Variants in PEX13 observed in about 807,000 individuals in gnomAD.
PEX13 encodes peroxisome biogenesis factor 13.
PEX13 carries 28 observed loss-of-function variants against 34.5 expected under a neutral mutation model. The ratio of observed to expected loss-of-function variants is 0.81; its 90% CI spans 0.60 to 1.11. The LOEUF is 1.11. Ranked by LOEUF, PEX13 falls within the 50% of genes most tolerant of loss-of-function variation. PEX13 has a pLI of 0.00. For synonymous variants in PEX13, 177 were observed against 175.1 expected, an observed-to-expected ratio of 1.01 and a Z score of -0.09; for missense variants, 550 against 491.0, an observed-to-expected ratio of 1.12 and a Z score of -1.13.
chr2:61,044,510 T>C (rs755096829), intron 2 of PEX13, among the ~76,000 whole-genome samples: 2 of 152,178 alleles, frequency 1.3e-5, no homozygotes, highest in Non-Finnish European at 2.9e-5. Context: ...TCTCAGCCTC[T>C]CAAAGTACTG....
At position 61,031,489 on chromosome 2, in the gene PEX13, A is replaced by G. The variant is rs149157399; in HGVS notation, c.163A>G (p.Ile55Val). The change falls in exon 2 of 4, where the codon ATT becomes GTT. Residue 55 changes from isoleucine to valine, a missense_variant. Transcript: ENST00000295030. ...QPALTRVPPP[I>V]LPRPSQQTGS... ...AGCACTTACCAGAGTGCCCCCACCTATTCTTCCAAGGCCATCACAGCAGAC... is the reference window on the plus strand; with the variant it reads ...AGCACTTACCAGAGTGCCCCCACCTGTTCTTCCAAGGCCATCACAGCAGAC... 9 of 1,614,062 alleles carry G rather than the reference A, an allele frequency of 5.6e-6. No homozygotes were observed. Among genetic ancestry groups the G allele is most frequent in the East Asian group, 2.2e-5 (1 of 44,906 alleles).
intron 2 of PEX13, among the ~76,000 whole-genome samples, chr2:61,042,185 G>C (rs978928334): frequency 2.6e-5 from 4 of 152,204 alleles, no homozygotes; most frequent in Non-Finnish European, 5.9e-5. Context: ...CATTAATAAA[G>C]TTGTATTGGA....
intron 2 of PEX13, among the ~76,000 whole-genome samples, chr2:61,034,155 C>A (rs1214829112): frequency 2.6e-5 from 4 of 152,016 alleles, no homozygotes; most frequent in Non-Finnish European, 4.4e-5. Context: ...GGCCACCACA[C>A]CCGGTTAATT....
chr2:61,046,945 C>T (rs1040995111), intron 3 of PEX13, among the ~76,000 whole-genome samples: 2 of 152,046 alleles, frequency 1.3e-5, no homozygotes, highest in South Asian at 2.1e-4. Flanking sequence ...TAGACTTAAG[C>T]GAGGTGCAGT....
Position 61,045,729 on chromosome 2 carries a change from G to C in PEX13, c.791G>C (p.Ser264Thr), listed in dbSNP as rs145568490. Residue 264 changes from serine (S) to threonine (T), a missense_variant, in exon 3 of 4, where the codon AGC (serine) becomes ACC (threonine). Coordinates refer to ENST00000295030, the MANE Select transcript of PEX13 (RefSeq NM_002618.4). Reference protein sequence around the residue: ...LSTHSDEVTDSINWASGEDDH... With the variant: ...LSTHSDEVTDTINWASGEDDH... ...CTAATTTTAATTTGGCTTATAGACA[G>C]CATCAACTGGGCAAGTGGTGAGGAT... The C allele has an allele frequency of 9.4e-5, 152 of 1,612,844 alleles. No homozygotes were observed. In the Middle Eastern group the frequency reaches 1.3e-3, roughly 14 times the overall value.
intron 2 of PEX13, among the ~76,000 whole-genome samples, chr2:61,042,228 A>G (rs1029497077): frequency 5.9e-5 from 9 of 152,334 alleles, no homozygotes; most frequent in Admixed American, 1.3e-4. Flanking sequence ...ACATATTGTT[A>G]TGGCTGCTTT....
At chr2:61,029,659 A>G (rs1680417767) in intron 1 of PEX13, among the ~76,000 whole-genome samples, 1 of 152,132 alleles carries the variant, frequency 6.6e-6, no homozygotes, top group Non-Finnish European at 1.5e-5. Context: ...AAATATTCGG[A>G]AAATAGGCCA....
rs150190726 is a variant in PEX13 at position 61,040,758 on chromosome 2, T to C, written c.788-4968T>C. ...TTAAATGTAAATATATATATAGGTA[T>C]ATACATATATATATATACCTATATA... On this transcript the variant is annotated intron_variant, in intron 2 of 3. Coordinates refer to ENST00000295030, the MANE Select transcript of PEX13 (RefSeq NM_002618.4). 6.1e-3 allele frequency among the ~76,000 whole-genome samples: 897 copies of C among 147,950 alleles called. 9 individuals are homozygous for C. The highest frequency in any genetic ancestry group is 0.021 in the African/African-American group (860 of 40,706).
intron 1 of PEX13, 143 bp downstream of exon 1, chr2:61,017,994 G>C (rs1313364006): frequency 6.8e-6 from 9 of 1,321,156 alleles, no homozygotes; most frequent in East Asian, 5.0e-5. Flanking sequence ...CCGAGGTGGA[G>C]CTGGGGCGCT....
At chr2:61,024,810 G>A (rs1169452700) in intron 1 of PEX13, among the ~76,000 whole-genome samples, 2 of 151,768 alleles carry the variant, frequency 1.3e-5, no homozygotes, top group Admixed American at 6.6e-5. Flanking sequence ...CTCCATCTAA[G>A]AACAAAAACA....
chr2:61,031,976 C>T lies in PEX13; in HGVS notation c.650C>T (p.Thr217Ile). ...GACCTCTGGGCAGAGAGTGAAGGAA[C>T]TGTGGCATGCCTTGGTGCTGAGGAC... ...NEDLWAESEG[T>I]VACLGAEDRA... The change falls in exon 2 of 4, where the codon ACT becomes ATT. Residue 217 changes from threonine (T) to isoleucine (I), a missense_variant. By Grantham distance (89) the Thr-to-Ile change is moderately conservative (BLOSUM62 -1). Transcript: ENST00000295030. 2 of 1,613,986 alleles carry T rather than the reference C, an allele frequency of 1.2e-6. No individual in the cohort carries two copies. Among genetic ancestry groups the T allele is most frequent in the Non-Finnish European group, 1.7e-6 (2 of 1,179,896 alleles).
At position 61,048,857 on chromosome 2, in the gene PEX13, T is replaced by C; in HGVS notation, c.*87T>C. ...ACAAAGAAATGAATGTACAATCCAA[T>C]GAAAACATTTGTTATTGGCTATTTC... On this transcript the variant is annotated 3_prime_UTR_variant, in exon 4 of 4. Coordinates refer to ENST00000295030, the MANE Select transcript of PEX13 (RefSeq NM_002618.4). 9.0e-7 allele frequency: 1 copy of C among 1,111,766 alleles called. No homozygotes were observed. The highest frequency in any genetic ancestry group is 2.4e-5 in the East Asian group (1 of 41,226). The allele number at this position is 1,111,766 out of a possible 1,614,324, so 68.9% of individuals were successfully genotyped here. A position where few individuals can be genotyped will look rare whatever the true frequency, so the allele number is the denominator to read the frequency against.
chr2:61,041,838 G>A (rs1680629683), intron 2 of PEX13, among the ~76,000 whole-genome samples: 1 of 152,230 alleles, frequency 6.6e-6, no homozygotes, highest in African/African-American at 2.4e-5. Context: ...GGAGTTAAAT[G>A]ATGAAGAAGC....
At chr2:61,022,362 C>T (rs993033328) in intron 1 of PEX13, among the ~76,000 whole-genome samples, 2 of 152,172 alleles carry the variant, frequency 1.3e-5, no homozygotes, top group African/African-American at 2.4e-5. Flanking sequence ...AAAACCATGG[C>T]ACAAGAACTT....
At chr2:61,018,455 T>C (rs1680159654) in intron 1 of PEX13, 4 of 834,336 alleles carry the variant, frequency 4.8e-6, no homozygotes. Flanking sequence ...ATAGTGTATT[T>C]TTCTGAGGCC....
At chr2:61,017,872 G>T (rs1327418986) in intron 1 of PEX13, 21 bp downstream of exon 1, 1 of 1,548,890 alleles carries the variant, frequency 6.5e-7, no homozygotes, top group South Asian at 1.2e-5. Context: ...GATTCTTCAG[G>T]CTGTGAGTTT....
In PEX13 at chr2:61,051,724, A is replaced by G. The variant is rs545930038; in HGVS notation, c.*2954A>G. The G allele has an allele frequency of 2.0e-5, 3 of 152,350 alleles. No homozygotes were observed. In the South Asian group the frequency reaches 6.2e-4, roughly 32 times the overall value. The allele number at this position is 152,350 out of a possible 1,614,324, so 9.4% of individuals were successfully genotyped here. A position where few individuals can be genotyped will look rare whatever the true frequency, so the allele number is the denominator to read the frequency against. On this transcript the variant is annotated 3_prime_UTR_variant, in exon 4 of 4. Coordinates refer to ENST00000295030, the MANE Select transcript of PEX13 (RefSeq NM_002618.4). ...AATAAAATATAAGTTTACAATAATA[A>G]AACATGTTTCTTTTAATTTTTCTGA...
intron 1 of PEX13, among the ~76,000 whole-genome samples, chr2:61,024,681 C>T (rs1018559746): frequency 6.6e-5 from 10 of 152,192 alleles, no homozygotes; most frequent in South Asian, 2.1e-4. Flanking sequence ...TGGTGGTGGG[C>T]GCCTGTAGTC....
chr2:61,017,973 G>A, intron 1 of PEX13, 122 bp downstream of exon 1: 1 of 1,322,310 alleles, frequency 7.6e-7, no homozygotes. Context: ...ACCCAACCTT[G>A]GGGATAGGGG....
Sources: gnomAD v4.1 joint callset for allele counts (sites outside exome capture counted in the v4.1 genomes callset) on GRCh38, gnomAD v4.1.1 for gene constraint, MANE v1.5 for transcripts, NCBI Gene and HGNC (gene_info 2026-07-23, HGNC 2026-07-21) for gene names.